ERAP1: variants seen among roughly 807,000 people sequenced by gnomAD.
ERAP1 encodes the protein adipocyte-derived leucine aminopeptidase.
In ERAP1, 86 loss-of-function variants were observed where a neutral mutation model predicts 103.7. The ratio of observed to expected loss-of-function variants is 0.83; its 90% confidence interval spans 0.70 to 0.99. ERAP1 has a LOEUF of 0.99. Ranked by LOEUF, ERAP1 falls within the 50% of genes least tolerant of loss-of-function variation. The probability of loss-of-function intolerance (pLI) is 0.00; values close to 1 mark genes in which losing one functional copy is unlikely to be tolerated. For synonymous variants in ERAP1, 398 were observed against 402.4 expected (o/e 0.99, Z 0.13); for missense variants, 1,009 against 1,128.4 (o/e 0.89, Z 1.52).
downstream of ERAP1, chr5:96,771,738 G>GT (rs1425459702): frequency 7.6e-7 from 1 of 1,314,426 alleles, no homozygotes; most frequent in Non-Finnish European, 1.1e-6. Flanking sequence ...GAAGACAACT[G>GT]TATCTTCTGC....
the ERAP1 span, among the ~76,000 whole-genome samples, chr5:96,883,273 C>T: frequency 2.6e-5 from 4 of 152,280 alleles, no homozygotes; most frequent in Admixed American, 2.6e-4. Flanking sequence ...TTTCCCTGTC[C>T]TGCTTCCCTC....
chr5:96,803,623 T>TCACCAC lies in ERAP1; in HGVS notation c.303_304insGTGGTG (p.Gln101_Ile102insValVal). The stretch of plus-strand genomic sequence containing the variant: ...CCCTTCCTGAGGGTGGCCCTAGATA[T>TCACCAC]CTGCAGGTGGTGACTATGCAGGATG... On this transcript the variant is annotated inframe_insertion, in exon 2 of 19. Transcript: ENST00000443439. 11 of 1,614,190 alleles carry TCACCAC rather than the reference T, an allele frequency of 6.8e-6. No homozygotes were observed. The highest frequency in any genetic ancestry group is 9.3e-6 in the Non-Finnish European group (11 of 1,180,020).
the ERAP1 span, among the ~76,000 whole-genome samples, chr5:96,834,459 A>G: frequency 6.6e-6 from 1 of 152,218 alleles, no homozygotes; most frequent in Admixed American, 6.5e-5. Context: ...TGAGTTCAAC[A>G]CAGTGATCAG....
chr5:96,794,977 TATA>T, intron 5 of ERAP1, 62 bp downstream of exon 5: 1 of 1,590,530 alleles, frequency 6.3e-7, no homozygotes, highest in East Asian at 2.3e-5. Flanking sequence ...ATGTGCCAAT[TATA>T]ATGACAAATC....
the ERAP1 span, among the ~76,000 whole-genome samples, chr5:96,899,070 T>C: frequency 6.6e-6 from 1 of 152,136 alleles, no homozygotes; most frequent in Non-Finnish European, 1.5e-5. Flanking sequence ...AGGCCAGCAG[T>C]GTAAATTCCT....
At chr5:96,779,403 C>G (rs1205630280) in intron 18 of ERAP1, 1 of 152,190 alleles carries the variant, frequency 6.6e-6, no homozygotes, top group Non-Finnish European at 1.5e-5. Flanking sequence ...CTGCTCTAGA[C>G]CTCGCTGGAG....
the ERAP1 span, among the ~76,000 whole-genome samples, chr5:96,924,413 T>C: frequency 4.6e-5 from 7 of 152,286 alleles, no homozygotes; most frequent in African/African-American, 1.4e-4. Context: ...ACAAATATTA[T>C]AGGACCTTCT....
the ERAP1 span, among the ~76,000 whole-genome samples, chr5:96,820,906 A>G: frequency 3.1e-4 from 47 of 152,184 alleles, no homozygotes; most frequent in Non-Finnish European, 5.7e-4. Context: ...CTTCTCTTGA[A>G]TATTTGTATC....
At chr5:96,838,344 G>T in the ERAP1 span, among the ~76,000 whole-genome samples, 1 of 152,144 alleles carries the variant, frequency 6.6e-6, no homozygotes, top group Non-Finnish European at 1.5e-5. Context: ...AGATGGACCA[G>T]GTAGCCCTCA....
At chr5:96,868,372 T>C in the ERAP1 span, among the ~76,000 whole-genome samples, 4 of 152,186 alleles carry the variant, frequency 2.6e-5, no homozygotes, top group Non-Finnish European at 5.9e-5. Context: ...ACTCCTTCAG[T>C]AGAGCATTAA....
the ERAP1 span, among the ~76,000 whole-genome samples, chr5:96,875,052 C>A: frequency 0.02 from 2,977 of 152,216 alleles, 108 homozygotes; most frequent in African/African-American, 0.068. Flanking sequence ...AGATCTTGAG[C>A]AGTGGGGGAG....
the ERAP1 span, among the ~76,000 whole-genome samples, chr5:96,900,988 G>A: frequency 2.0e-5 from 3 of 152,130 alleles, no homozygotes; most frequent in African/African-American, 7.2e-5. Context: ...TCTAAAGGAA[G>A]GTTCAGCATC....
At chr5:96,785,670 G>A (rs914929551) in intron 13 of ERAP1, 118 bp downstream of exon 13, 1 of 1,156,608 alleles carries the variant, frequency 8.6e-7, no homozygotes. Context: ...AGAACTTAAA[G>A]GAAAACACCT....
the ERAP1 span, chr5:96,883,900 C>G: frequency 1.2e-6 from 2 of 1,613,340 alleles, no homozygotes; most frequent in Non-Finnish European, 1.7e-6. Flanking sequence ...GAAGAGAGAG[C>G]AGGCATATTG....
At chr5:96,908,861 T>A in the ERAP1 span, 2 of 1,231,142 alleles carry the variant, frequency 1.6e-6, no homozygotes, top group Non-Finnish European at 2.3e-6. Flanking sequence ...TATAATGACC[T>A]ACTTCTGTTA....
the ERAP1 span, among the ~76,000 whole-genome samples, chr5:96,881,898 C>CT: frequency 6.6e-6 from 1 of 152,190 alleles, no homozygotes; most frequent in South Asian, 2.1e-4. Flanking sequence ...ACAAGGTAGC[C>CT]TGTAAGAAGT....
Position 96,774,941 on chromosome 5 carries a change from A to C in ERAP1, c.*1455T>G, listed in dbSNP as rs1440288503. On this transcript the variant is annotated 3_prime_UTR_variant, in exon 19 of 19. Coordinates refer to ENST00000443439, the MANE Select transcript of ERAP1 (RefSeq NM_001040458.3). The stretch of plus-strand genomic sequence containing the variant: ...TACCAATCATCAATCATATTCCCTT[A>C]TCTTGAAGTTTTTGCCTTATATTCA... The C allele has an allele frequency of 9.1e-6, 9 of 984,472 alleles. No individual in the cohort carries two copies. The highest frequency in any genetic ancestry group is 1.1e-5 in the Non-Finnish European group (9 of 829,430). The allele number at this position is 984,472 out of a possible 1,614,324, so 61.0% of individuals were successfully genotyped here. A position where few individuals can be genotyped will look rare whatever the true frequency, so the allele number is the denominator to read the frequency against.
rs559746164 is a variant in ERAP1 at position 96,803,544 on chromosome 5, T to C, written c.383A>G (p.Gln128Arg). 1 of 1,613,712 alleles carries C rather than the reference T, an allele frequency of 6.2e-7. No individual in the cohort carries two copies. Among genetic ancestry groups the C allele is most frequent in the East Asian group, 2.2e-5 (1 of 44,880 alleles). The change falls in exon 2 of 19, where the codon CAG becomes CGG. Residue 128 changes from glutamine (Q) to arginine (R), a missense_variant. By Grantham distance (43) the Gln-to-Arg change is conservative. Around this residue, in one of 3 missense-constraint regions of ERAP1, gnomAD observed 392 missense variants for 455.2 expected, o/e 0.86. Coordinates refer to ENST00000443439, the MANE Select transcript of ERAP1 (RefSeq NM_001040458.3). The stretch of plus-strand genomic sequence containing the variant: ...GGGAGCCAGCAGTGCAATTTGCTCC[T>C]GACGGGGGTGTTCCAGGACCTGCAG... The part of the protein sequence containing the change: ...EPLQVLEHPR[Q>R]EQIALLAPEP...
Position 96,793,391 on chromosome 5 carries a change from A to C in ERAP1, c.1188+9T>G. ...TAACCTCAAATGTGAAGGATAAATA[A>C]CTACTTACAACTTTCAGTTCAGGAT... On this transcript the variant is annotated intron_variant, in intron 7 of 18. Coordinates refer to ENST00000443439, the MANE Select transcript of ERAP1 (RefSeq NM_001040458.3). The C allele has an allele frequency of 6.3e-7, 1 of 1,589,098 alleles. No individual in the cohort carries two copies. Among genetic ancestry groups the C allele is most frequent in the Non-Finnish European group, 8.6e-7 (1 of 1,157,372 alleles).
Sources: allele counts gnomAD v4.1 joint callset (sites outside exome capture counted in the v4.1 genomes callset), GRCh38; gene constraint gnomAD v4.1.1; regional missense constraint gnomAD v4.1.1; transcripts MANE v1.5; gene names NCBI Gene and HGNC (gene_info 2026-07-23, HGNC 2026-07-21).